The following CASZ1 variants were observed in gnomAD, a reference collection of about 807,000 sequenced individuals.
CASZ1 encodes castor zinc finger 1.
Under a neutral mutation model 135.2 loss-of-function variants are expected in CASZ1, and 28 were observed. The ratio of observed to expected loss-of-function variants is 0.21; its 90% CI spans 0.15 to 0.28. The LOEUF (loss-of-function observed/expected upper bound fraction) is 0.28. Among genes scored for constraint, CASZ1 ranks in the 10% least tolerant of loss-of-function variants. The pLI is 1.00. For synonymous variants in CASZ1, 1,068 were observed against 1,073.4 expected (o/e 0.99, Z 0.10); for missense variants, 2,161 against 2,453.3 (o/e 0.88, Z 2.52).
chr1:10,780,771 C>T (rs978044641), intron 1 of CASZ1, among the ~76,000 whole-genome samples: 2 of 152,028 alleles, frequency 1.3e-5, no homozygotes, highest in Non-Finnish European at 2.9e-5. Context: ...GCGTTGGAAC[C>T]CTAGCTCTCC....
At chr1:10,751,861 C>T (rs1389571534) in intron 2 of CASZ1, among the ~76,000 whole-genome samples, 1 of 152,230 alleles carries the variant, frequency 6.6e-6, no homozygotes, top group Non-Finnish European at 1.5e-5. Context: ...AGAGCTCCCA[C>T]CTTGGGGCAC....
At chr1:10,746,029 C>T (rs768724536) in intron 2 of CASZ1, among the ~76,000 whole-genome samples, 3 of 152,238 alleles carry the variant, frequency 2.0e-5, no homozygotes, top group Non-Finnish European at 4.4e-5. Flanking sequence ...CTGTGGCGTG[C>T]CCGGCCCACT....
chr1:10,753,254 G>T (rs1052737698), intron 2 of CASZ1, among the ~76,000 whole-genome samples: 4 of 152,204 alleles, frequency 2.6e-5, no homozygotes, highest in Admixed American at 6.5e-5. Context: ...TTCCTACGGG[G>T]TGAGCAGGAC....
chr1:10,736,398 G>A (rs1170350819), intron 2 of CASZ1, among the ~76,000 whole-genome samples: 3 of 152,186 alleles, frequency 2.0e-5, no homozygotes, highest in East Asian at 1.9e-4. Context: ...TGAGAACCCC[G>A]AACCCGGGGA....
At chr1:10,728,928 G>A (rs1639645979) in intron 2 of CASZ1, among the ~76,000 whole-genome samples, 1 of 152,200 alleles carries the variant, frequency 6.6e-6, no homozygotes, top group Non-Finnish European at 1.5e-5. Flanking sequence ...GGATGGGAAA[G>A]TTGGGAAAAC....
At chr1:10,716,795 C>T (rs192983625) in intron 2 of CASZ1, among the ~76,000 whole-genome samples, 40 of 152,352 alleles carry the variant, frequency 2.6e-4, no homozygotes, top group Admixed American at 4.6e-4. Flanking sequence ...TGGGCTGAGA[C>T]CCGGCCCTGA....
intron 4 of CASZ1, among the ~76,000 whole-genome samples, chr1:10,671,183 T>C (rs1643386192): frequency 6.6e-6 from 1 of 152,176 alleles, no homozygotes; most frequent in Admixed American, 6.5e-5. Context: ...GGGGAACTGT[T>C]AGCATCCACC....
At position 10,765,743 on chromosome 1, in the gene CASZ1, C is replaced by T. The variant is rs1640463775; in HGVS notation, c.-233-4886G>A. Among the ~76,000 whole-genome samples, 4 of 152,332 alleles carry T rather than the reference C, an allele frequency of 2.6e-5. No homozygotes were observed. The South Asian group carries it at 8.3e-4, about 32-fold the overall frequency. On this transcript the variant is annotated intron_variant, in intron 1 of 20. Transcript: ENST00000377022. ...TGCAGAGGGCTCTGAATTCTCAGAACTCCCAGCCAGCTGCTTATGCGGCCT... is the reference window on the plus strand; with the variant it reads ...TGCAGAGGGCTCTGAATTCTCAGAATTCCCAGCCAGCTGCTTATGCGGCCT...
At chr1:10,702,189 C>T (rs959416296) in intron 3 of CASZ1, among the ~76,000 whole-genome samples, 16 of 152,186 alleles carry the variant, frequency 1.1e-4, no homozygotes, top group African/African-American at 3.6e-4. Context: ...CTGCCTTGCT[C>T]CCCGCAGGCC....
At chr1:10,640,333 C>T (rs1028488382) in intron 20 of CASZ1, among the ~76,000 whole-genome samples, 6 of 152,196 alleles carry the variant, frequency 3.9e-5, no homozygotes, top group African/African-American at 1.4e-4. Context: ...CTCTGGGGGA[C>T]GTGGTGGCTG....
At chr1:10,643,057 A>AG (rs1642258110) in intron 19 of CASZ1, 57 bp from the exon 20 acceptor site, 2 of 1,591,952 alleles carry the variant, frequency 1.3e-6, no homozygotes, top group South Asian at 2.2e-5. Context: ...CTGCCCACAG[A>AG]GGGCAGGCTG....
rs910879772 is a variant in CASZ1 at position 10,700,087 on chromosome 1, A to G, written c.-24+5405T>C. 4.0e-5 allele frequency among the ~76,000 whole-genome samples: 6 copies of G among 150,696 alleles called. No individual in the cohort carries two copies. Among genetic ancestry groups the G allele is most frequent in the African/African-American group, 1.2e-4 (5 of 41,194 alleles). ...GAGAGAAAGAGAGATAGAGACACAC[A>G]CACACACACACACACACACACACAC... On this transcript the variant is annotated intron_variant, in intron 3 of 20. Transcript: ENST00000377022. This position sits in a 1 kb window ranked among gnomAD's most constrained non-coding sequence, Gnocchi z 4.2.
At chr1:10,792,859 A>AAAAT (rs1258579212) in intron 1 of CASZ1, among the ~76,000 whole-genome samples, 1 of 152,124 alleles carries the variant, frequency 6.6e-6, no homozygotes, top group African/African-American at 2.4e-5. Context: ...TTTTCCCCAA[A>AAAAT]AAATAAATAA....
chr1:10,647,825 G>C lies in CASZ1; in HGVS notation c.3473C>G (p.Pro1158Arg), dbSNP rs766311600. Reference sequence around the variant, plus strand: ...CTTCTCCTGGAACTGGAGGAATCCGGGTTTGACCTGGGGCTTGGCGTTCTC... The same window carrying C: ...CTTCTCCTGGAACTGGAGGAATCCGCGTTTGACCTGGGGCTTGGCGTTCTC... ...SLENAKPQVK[P>R]GFLQFQENDP... The change falls in exon 16 of 21, where the codon CCC (proline) becomes CGC (arginine). Residue 1158 changes from proline to arginine, a missense_variant. Physicochemically the swap from Pro to Arg is moderately radical, Grantham distance 103. Transcript: ENST00000377022. This position sits in a 1 kb window ranked among gnomAD's most constrained non-coding sequence, Gnocchi z 4.9. 59 of 1,613,702 alleles carry C rather than the reference G, an allele frequency of 3.7e-5. No individual in the cohort carries two copies. The highest frequency in any genetic ancestry group is 3.3e-4 in the Middle Eastern group (2 of 6,082).
chr1:10,748,070 G>A lies in CASZ1; in HGVS notation c.-77+12631C>T, dbSNP rs552740448. Among the ~76,000 whole-genome samples, 165 of 152,174 alleles carry A rather than the reference G, an allele frequency of 1.1e-3. 2 individuals carry two copies. The highest frequency in any genetic ancestry group is 3.5e-3 in the African/African-American group (147 of 41,538). ...CCTGACCTCGTGATCCGCCCGCCTC[G>A]GCCTCCCAAAGTGCTGGGATTACAG... On this transcript the variant is annotated intron_variant, in intron 2 of 20. Coordinates refer to ENST00000377022, the MANE Select transcript of CASZ1 (RefSeq NM_001079843.3).
intron 8 of CASZ1, among the ~76,000 whole-genome samples, chr1:10,656,075 G>A (rs1256170137): frequency 6.6e-6 from 1 of 152,226 alleles, no homozygotes; most frequent in Non-Finnish European, 1.5e-5. Flanking sequence ...GAGCACAGAT[G>A]ATGCATTGGG....
rs1640497606 is a variant in CASZ1, at chr1:10,767,483, A to G, written c.-233-6626T>C. On this transcript the variant is annotated intron_variant, in intron 1 of 20. Transcript: ENST00000377022. This position sits in a 1 kb window ranked among gnomAD's most constrained non-coding sequence, Gnocchi z 4.2. ...GGCGATGGGAGCACAGGCTTCCCCTATTGCAAAGCCAGGCCCAGGGAGGCC... is the reference window on the plus strand; with the variant it reads ...GGCGATGGGAGCACAGGCTTCCCCTGTTGCAAAGCCAGGCCCAGGGAGGCC... 1.3e-5 allele frequency among the ~76,000 whole-genome samples: 2 copies of G among 152,214 alleles called. No individual in the cohort carries two copies. The highest frequency in any genetic ancestry group is 2.1e-4 in the South Asian group (1 of 4,818).
chr1:10,639,270 G>A lies in CASZ1; in HGVS notation c.4952C>T (p.Pro1651Leu), dbSNP rs1389860384. ...CGGCCCGGGGGCGGCGGCGTCGGGC[G>A]GGCCGGGGTCGCCCGCGTCGCCCAG... Reference protein sequence around the residue: ...LALGDAGDPGPPDAAAPGPRE... With the variant: ...LALGDAGDPGLPDAAAPGPRE... Residue 1651 changes from proline (P) to leucine (L), a missense_variant, in exon 21 of 21, where the codon CCG becomes CTG. Pro to Leu is a moderately conservative substitution (Grantham distance 98, BLOSUM62 -3). This residue lies in a region of CASZ1 where 185 missense variants were observed against 134.7 expected (regional missense o/e 1.37). Coordinates refer to ENST00000377022, the MANE Select transcript of CASZ1 (RefSeq NM_001079843.3). The surrounding 1 kb of genome is among the most constrained non-coding windows in gnomAD (Gnocchi z 4.0). 1.6e-5 allele frequency: 17 copies of A among 1,041,196 alleles called. No individual in the cohort carries two copies. The highest frequency in any genetic ancestry group is 2.0e-5 in the Non-Finnish European group (17 of 861,608). The allele number at this position is 1,041,196 out of a possible 1,614,324, so 64.5% of individuals were successfully genotyped here.
At chr1:10,708,433 A>G (rs1404822932) in intron 2 of CASZ1, among the ~76,000 whole-genome samples, 3 of 152,242 alleles carry the variant, frequency 2.0e-5, no homozygotes, top group Admixed American at 6.5e-5. Flanking sequence ...GGTAAGAAGA[A>G]GAGCACAGAA....
Sources: gnomAD v4.1 joint callset for allele counts (sites outside exome capture counted in the v4.1 genomes callset) on GRCh38, gnomAD v4.1.1 for gene constraint, gnomAD v4.1.1 regional missense constraint, Gnocchi (gnomAD v3.1) non-coding constraint, MANE v1.5 for transcripts, NCBI Gene and HGNC (gene_info 2026-07-23, HGNC 2026-07-21) for gene names.